The following PPARGC1A variants were observed in gnomAD, a reference collection of about 807,000 sequenced individuals.
PPARGC1A encodes PPARG coactivator 1 alpha, also known as peroxisome proliferator-activated receptor gamma coactivator 1-alpha.
A neutral mutation model predicts 88.7 loss-of-function variants in PPARGC1A; 25 were observed. The ratio of observed to expected loss-of-function variants is 0.28; its 90% CI spans 0.21 to 0.39. The LOEUF (loss-of-function observed/expected upper bound fraction) is 0.39, where lower values mean the gene tolerates loss of function less well. Ranked by LOEUF, PPARGC1A falls within the 10% of genes least tolerant of loss-of-function variation. The pLI is 1.00. For synonymous variants in PPARGC1A, 363 were observed against 355.6 expected (o/e 1.02, Z -0.24); for missense variants, 880 against 968.7 (o/e 0.91, Z 1.22).
the PPARGC1A span, among the ~76,000 whole-genome samples, chr4:24,078,438 T>G: frequency 1.3e-5 from 2 of 152,096 alleles, no homozygotes; most frequent in African/African-American, 4.8e-5. Context: ...AAAACCTCCT[T>G]ATTTTCCTTA....
chr4:24,087,891 T>A, the PPARGC1A span, among the ~76,000 whole-genome samples: 1 of 152,216 alleles, frequency 6.6e-6, no homozygotes, highest in Admixed American at 6.5e-5. Flanking sequence ...GCAAACAGCA[T>A]CCAATTAAAA....
intron 1 of PPARGC1A, among the ~76,000 whole-genome samples, chr4:23,888,025 C>T (rs1328145954): frequency 6.6e-6 from 1 of 152,190 alleles, no homozygotes; most frequent in East Asian, 1.9e-4. Context: ...ACTACCCTGT[C>T]ATTATGTGCA....
chr4:23,799,936 C>T (rs1306869595), intron 12 of PPARGC1A, among the ~76,000 whole-genome samples: 1 of 152,182 alleles, frequency 6.6e-6, no homozygotes, highest in Non-Finnish European at 1.5e-5. Context: ...TTTTTATCAG[C>T]CAACATTTGA....
chr4:24,120,172 G>C, the PPARGC1A span, among the ~76,000 whole-genome samples: 1 of 152,158 alleles, frequency 6.6e-6, no homozygotes, highest in African/African-American at 2.4e-5. Flanking sequence ...TGAGGCTCCA[G>C]GGTTCAACCA....
chr4:23,868,047 C>CAG (rs1712426994), intron 2 of PPARGC1A, among the ~76,000 whole-genome samples: 1 of 152,118 alleles, frequency 6.6e-6, no homozygotes, highest in Non-Finnish European at 1.5e-5. Flanking sequence ...GTTCCTTGAA[C>CAG]AGAGACACAC....
chr4:24,246,018 A>G, the PPARGC1A span, among the ~76,000 whole-genome samples: 8 of 152,028 alleles, frequency 5.3e-5, no homozygotes. Flanking sequence ...CTCTCTATGA[A>G]TAATTTCTCC....
At chr4:24,395,020 G>A in the PPARGC1A span, among the ~76,000 whole-genome samples, 5 of 152,266 alleles carry the variant, frequency 3.3e-5, no homozygotes, top group Admixed American at 3.3e-4. Context: ...CTTGAGATAA[G>A]ACAACATAAA....
chr4:24,229,658 C>A, the PPARGC1A span, among the ~76,000 whole-genome samples: 37 of 151,104 alleles, frequency 2.4e-4, no homozygotes, highest in Non-Finnish European at 4.9e-4. Flanking sequence ...TATGGTGAAA[C>A]CCTGTCTCTA....
intron 2 of PPARGC1A, among the ~76,000 whole-genome samples, chr4:23,878,602 G>A (rs1023093474): frequency 2.0e-5 from 3 of 152,116 alleles, no homozygotes; most frequent in Admixed American, 6.6e-5. Context: ...CCCAAGATAA[G>A]CCAGATGTTA....
At chr4:24,353,415 T>A in the PPARGC1A span, among the ~76,000 whole-genome samples, 2 of 151,418 alleles carry the variant, frequency 1.3e-5, no homozygotes, top group Non-Finnish European at 2.9e-5. Context: ...AGGGACAATG[T>A]TCTCCATCTT....
At chr4:24,017,574 A>G in the PPARGC1A span, among the ~76,000 whole-genome samples, 4 of 152,234 alleles carry the variant, frequency 2.6e-5, no homozygotes, top group East Asian at 7.7e-4. Flanking sequence ...AAGGAAAGAG[A>G]GAAATTAAGG....
At chr4:24,294,166 C>T in the PPARGC1A span, among the ~76,000 whole-genome samples, 1 of 152,144 alleles carries the variant, frequency 6.6e-6, no homozygotes, top group Non-Finnish European at 1.5e-5. Flanking sequence ...TCAGGCTGAA[C>T]TCAGGGGCCC....
At chr4:24,425,823 G>A in the PPARGC1A span, among the ~76,000 whole-genome samples, 1 of 152,128 alleles carries the variant, frequency 6.6e-6, no homozygotes, top group South Asian at 2.1e-4. Context: ...TCATGGTGCC[G>A]AATTCCTGAT....
the PPARGC1A span, among the ~76,000 whole-genome samples, chr4:24,102,669 C>A: frequency 6.6e-6 from 1 of 152,078 alleles, no homozygotes; most frequent in African/African-American, 2.4e-5. Context: ...TATCCGGGAA[C>A]TTTTGATTTC....
At chr4:24,297,135 A>C in the PPARGC1A span, among the ~76,000 whole-genome samples, 4 of 152,190 alleles carry the variant, frequency 2.6e-5, no homozygotes, top group East Asian at 7.7e-4. Context: ...ATTAGAAGAA[A>C]GTGTTCTGGG....
chr4:24,236,943 A>G, the PPARGC1A span, among the ~76,000 whole-genome samples: 7 of 152,242 alleles, frequency 4.6e-5, no homozygotes, highest in African/African-American at 1.7e-4. Flanking sequence ...CACTGAAAAC[A>G]GTCTTTGGCC....
the PPARGC1A span, among the ~76,000 whole-genome samples, chr4:24,169,353 A>G: frequency 6.6e-6 from 1 of 152,142 alleles, no homozygotes; most frequent in Admixed American, 6.6e-5. Context: ...CAGAACAGAA[A>G]AAGGATGTGA....
intron 7 of PPARGC1A, among the ~76,000 whole-genome samples, chr4:23,816,117 G>A (rs1721943894): frequency 6.6e-6 from 1 of 152,132 alleles, no homozygotes; most frequent in South Asian, 2.1e-4. Flanking sequence ...GAGAAGAAAA[G>A]GTATACAAAT....
At chr4:24,014,997 T>C in the PPARGC1A span, among the ~76,000 whole-genome samples, 188 of 152,268 alleles carry the variant, frequency 1.2e-3, 2 homozygotes, top group African/African-American at 4.4e-3. Context: ...GAGAGCAATG[T>C]TGCAATTCTC....
Sources: gnomAD v4.1 joint callset for allele counts (sites outside exome capture counted in the v4.1 genomes callset) on GRCh38, gnomAD v4.1.1 for gene constraint, MANE v1.5 for transcripts, NCBI Gene and HGNC (gene_info 2026-07-23, HGNC 2026-07-21) for gene names.